Variants in TENM2 observed in about 807,000 individuals in gnomAD.
TENM2 encodes teneurin-2.
TENM2 carries 52 observed loss-of-function variants against 245.2 expected under a neutral mutation model. The ratio of observed to expected loss-of-function variants is 0.21; its 90% CI spans 0.17 to 0.27. The LOEUF (loss-of-function observed/expected upper bound fraction) is 0.27. Among genes scored for constraint, TENM2 ranks in the 10% least tolerant of loss-of-function variants. TENM2 has a pLI of 1.00. For synonymous variants in TENM2, 1,363 were observed against 1,438.9 expected, an observed-to-expected ratio of 0.95 and a Z score of 1.19; for missense variants, 3,046 against 3,666.8, an observed-to-expected ratio of 0.83 and a Z score of 4.37.
At chr5:167,455,936 G>A (rs373956592) in intron 2 of TENM2, among the ~76,000 whole-genome samples, 3 of 152,082 alleles carry the variant, frequency 2.0e-5, no homozygotes, top group Admixed American at 6.5e-5. Flanking sequence ...TGATGAGAGG[G>A]CACCAATTTA....
intron 2 of TENM2, among the ~76,000 whole-genome samples, chr5:167,418,396 C>T (rs1331368570): frequency 6.6e-6 from 1 of 151,918 alleles, no homozygotes; most frequent in African/African-American, 2.4e-5. Context: ...TTTGGACTTA[C>T]AGTCCCTAAT....
chr5:167,221,999 C>T, the TENM2 span, among the ~76,000 whole-genome samples: 4 of 152,036 alleles, frequency 2.6e-5, no homozygotes, highest in East Asian at 1.9e-4. Context: ...AAAAATTTGC[C>T]GCATAGCTCA....
At position 168,218,996 on chromosome 5, in the gene TENM2, A is replaced by G. The variant is rs1763443351; in HGVS notation, c.5105A>G (p.Tyr1702Cys). The G allele has an allele frequency of 1.2e-6, 2 of 1,612,448 alleles. No individual in the cohort carries two copies. The highest frequency in any genetic ancestry group is 1.7e-6 in the Non-Finnish European group (2 of 1,178,904). ...GATGAAACAGGATGGACGACTTTCT[A>G]TGAGTAAGTGGGTTTGTAAAGCATC... is the stretch of plus-strand genomic sequence containing the variant. The change falls in exon 23 of 29, where the codon TAT (tyrosine) becomes TGT (cysteine). Residue 1702 changes from tyrosine (Y) to cysteine (C), a missense_variant. Tyr to Cys is a radical substitution (Grantham distance 194, BLOSUM62 -2). Transcript: ENST00000518659. This position sits in a 1 kb window ranked among gnomAD's most constrained non-coding sequence, Gnocchi z 5.2.
chr5:167,930,815 A>G (rs1778222061), intron 3 of TENM2, among the ~76,000 whole-genome samples: 2 of 152,130 alleles, frequency 1.3e-5, no homozygotes, highest in Non-Finnish European at 2.9e-5. Context: ...ATGGAATTAA[A>G]CTGAAAATGC....
At chr5:167,724,217 TG>T (rs1185037725) in intron 2 of TENM2, among the ~76,000 whole-genome samples, 1 of 152,212 alleles carries the variant, frequency 6.6e-6, no homozygotes, top group Non-Finnish European at 1.5e-5. Context: ...GGCCTCAGTG[TG>T]ACTTGCCTTC....
chr5:167,291,249 T>C (rs751375967), intron 1 of TENM2, among the ~76,000 whole-genome samples: 10 of 152,210 alleles, frequency 6.6e-5, no homozygotes, highest in Non-Finnish European at 1.5e-4. Flanking sequence ...AACACTCTTA[T>C]TCATATGACT....
At chr5:167,506,798 A>G (rs1769583222) in intron 2 of TENM2, among the ~76,000 whole-genome samples, 3 of 152,330 alleles carry the variant, frequency 2.0e-5, no homozygotes, top group South Asian at 2.1e-4. Flanking sequence ...AGTATCATTC[A>G]TGAATGACAC....
intron 3 of TENM2, among the ~76,000 whole-genome samples, chr5:167,888,075 T>G (rs1774438890): frequency 6.6e-6 from 1 of 152,210 alleles, no homozygotes; most frequent in African/African-American, 2.4e-5. Context: ...TGGATAAATT[T>G]ATTTGAATTA....
intron 2 of TENM2, among the ~76,000 whole-genome samples, chr5:167,583,994 T>G (rs557627807): frequency 7.9e-5 from 12 of 152,318 alleles, no homozygotes; most frequent in African/African-American, 2.9e-4. Context: ...TAAGTTTAAA[T>G]TAGGAGCTCC....
At chr5:167,049,266 C>T in the TENM2 span, among the ~76,000 whole-genome samples, 20 of 152,192 alleles carry the variant, frequency 1.3e-4, no homozygotes, top group African/African-American at 4.8e-4. Context: ...GCCCTCTAGG[C>T]ACTTTTATTG....
chr5:167,580,180 C>T (rs1390687721), intron 2 of TENM2, among the ~76,000 whole-genome samples: 2 of 152,260 alleles, frequency 1.3e-5, no homozygotes, highest in East Asian at 1.9e-4. Context: ...AACTACCTGA[C>T]GTGAAACATT....
the TENM2 span, among the ~76,000 whole-genome samples, chr5:167,091,312 C>G: frequency 6.6e-6 from 1 of 152,054 alleles, no homozygotes; most frequent in African/African-American, 2.4e-5. Context: ...GGATAACTGT[C>G]ATTGAAAATA....
intron 21 of TENM2, among the ~76,000 whole-genome samples, chr5:168,215,723 A>G (rs145910643): frequency 6.6e-6 from 1 of 152,348 alleles, no homozygotes; most frequent in Non-Finnish European, 1.5e-5. Context: ...TATCATGCAC[A>G]TAGGCTCCAA....
At chr5:168,253,574 C>T (rs910698356) in intron 27 of TENM2, among the ~76,000 whole-genome samples, 10 of 151,652 alleles carry the variant, frequency 6.6e-5, no homozygotes, top group Admixed American at 1.3e-4. Flanking sequence ...TACAGGCGCC[C>T]GCCACCACGC....
intron 2 of TENM2, among the ~76,000 whole-genome samples, chr5:167,601,862 A>G (rs890907624): frequency 2.0e-5 from 3 of 152,154 alleles, no homozygotes; most frequent in Non-Finnish European, 4.4e-5. Flanking sequence ...ATTCCACTGC[A>G]ACCAATTTCT....
intron 2 of TENM2, among the ~76,000 whole-genome samples, chr5:167,648,107 C>A (rs1265930381): frequency 6.6e-6 from 1 of 152,146 alleles, no homozygotes; most frequent in Non-Finnish European, 1.5e-5. Context: ...GTGAGCCGAA[C>A]TAATCAAGTG....
chr5:167,503,240 A>C (rs532092023), intron 2 of TENM2, among the ~76,000 whole-genome samples: 1 of 152,330 alleles, frequency 6.6e-6, no homozygotes, highest in African/African-American at 2.4e-5. Context: ...AAATCTTTAC[A>C]ATCATTATAT....
intron 24 of TENM2, 87 bp from the exon 27 acceptor site, chr5:168,227,808 T>G (rs921494124): frequency 3.1e-5 from 26 of 843,592 alleles, no homozygotes; most frequent in Middle Eastern, 2.4e-4. Context: ...GGAAACCTAT[T>G]AAAAAAAAAT....
At chr5:168,018,540 A>T (rs1785864169) in intron 5 of TENM2, among the ~76,000 whole-genome samples, 2 of 152,008 alleles carry the variant, frequency 1.3e-5, no homozygotes, top group Non-Finnish European at 2.9e-5. Context: ...CTTGTCGACC[A>T]CCTGGGGTGG....
Sources: gnomAD v4.1 joint callset for allele counts (sites outside exome capture counted in the v4.1 genomes callset) on GRCh38, gnomAD v4.1.1 for gene constraint, Gnocchi (gnomAD v3.1) non-coding constraint, MANE v1.5 for transcripts, NCBI Gene and HGNC (gene_info 2026-07-23, HGNC 2026-07-21) for gene names.